Variants in CAMK2A observed in about 807,000 individuals in gnomAD.
CAMK2A encodes the protein calcium/calmodulin dependent protein kinase II alpha, also known as calcium/calmodulin-dependent protein kinase type II subunit alpha.
A neutral mutation model predicts 79.2 loss-of-function variants in CAMK2A; 7 were observed. That is an observed-to-expected ratio of 0.09 (90% confidence interval 0.05 to 0.17). CAMK2A has a LOEUF of 0.17. Ranked by LOEUF, CAMK2A falls within the 10% of genes least tolerant of loss-of-function variation. CAMK2A has a pLI of 1.00. For missense variants in CAMK2A, 214 were observed against 646.4 expected (o/e 0.33, Z 7.25); for synonymous variants, 242 against 251.7 (o/e 0.96, Z 0.36).
intron 11 of CAMK2A, among the ~76,000 whole-genome samples, chr5:150,248,455 A>G (rs1370939225): frequency 2.0e-5 from 3 of 150,492 alleles, no homozygotes; most frequent in East Asian, 3.9e-4. Context: ...CATTTACATT[A>G]GGTATATCTC....
chr5:150,242,744 C>T (rs1408982385), intron 13 of CAMK2A, among the ~76,000 whole-genome samples: 5 of 152,184 alleles, frequency 3.3e-5, no homozygotes, highest in African/African-American at 7.2e-5. Flanking sequence ...CAGTTTCAAT[C>T]GTACTGAAAA....
intron 1 of CAMK2A, among the ~76,000 whole-genome samples, chr5:150,281,444 C>T (rs1319242887): frequency 2.0e-5 from 3 of 152,216 alleles, no homozygotes; most frequent in East Asian, 1.9e-4. Context: ...GGCAGCACCA[C>T]GCACTGGGCT....
chr5:150,263,773 G>A (rs3776821), intron 3 of CAMK2A, among the ~76,000 whole-genome samples: 21,479 of 152,190 alleles, frequency 0.14, 1,675 homozygotes, highest in East Asian at 0.26. Context: ...TCACACAGCT[G>A]GGGGGTTGGG....
In CAMK2A at chr5:150,231,325, A is replaced by G; in HGVS notation, c.1122T>C (p.Asn374=). ...VTEQLIEAIS[N]GDFESYTKMC... ...CTCACGTGTAGGACTCAAAATCTCC[A>G]TTGCTTATGGCTTCAATCAGCTGCT... The change falls in exon 16 of 19, where the codon AAT becomes AAC. Residue 374 remains asparagine, a synonymous_variant. Coordinates refer to ENST00000671881, the MANE Select transcript of CAMK2A (RefSeq NM_015981.4). 1 of 1,590,324 alleles carries G rather than the reference A, an allele frequency of 6.3e-7. No homozygotes were observed. Among genetic ancestry groups the G allele is most frequent in the East Asian group, 2.3e-5 (1 of 43,692 alleles).
At chr5:150,230,844 C>T (rs372747456) in intron 16 of CAMK2A, among the ~76,000 whole-genome samples, 6 of 152,228 alleles carry the variant, frequency 3.9e-5, no homozygotes, top group African/African-American at 9.6e-5. Context: ...ACTGAAGGGA[C>T]GTGCCCTGTG....
intron 13 of CAMK2A, among the ~76,000 whole-genome samples, chr5:150,242,149 G>A (rs377725814): frequency 1.3e-4 from 20 of 152,206 alleles, no homozygotes; most frequent in African/African-American, 4.6e-4. Context: ...TGGGGTGGCC[G>A]GGAGGGGGAC....
intron 15 of CAMK2A, among the ~76,000 whole-genome samples, chr5:150,233,584 GTGAA>G (rs574028537): frequency 6.6e-6 from 1 of 152,142 alleles, no homozygotes; most frequent in East Asian, 1.9e-4. Context: ...TACGTGTTGA[GTGAA>G]TGAATGAATG....
chr5:150,233,347 A>G (rs1281694506), intron 15 of CAMK2A, among the ~76,000 whole-genome samples: 2 of 152,114 alleles, frequency 1.3e-5, no homozygotes, highest in Non-Finnish European at 2.9e-5. Flanking sequence ...CTCCCACACT[A>G]CACCCAGCAC....
In CAMK2A at chr5:150,250,698, G is replaced by A. The variant is rs1331653509; in HGVS notation, c.806C>T (p.Pro269Leu). ...RITAAEALKHPWISHRSTVAS... is the reference protein window; with the variant it reads ...RITAAEALKHLWISHRSTVAS... Reference sequence around the variant, plus strand: ...CTGAGGAAGGCTCACCGAGATCCAGGGGTGCTTAAGGGCTTCGGCAGCTGT... The same window carrying A: ...CTGAGGAAGGCTCACCGAGATCCAGAGGTGCTTAAGGGCTTCGGCAGCTGT... The change falls in exon 10 of 19, where the codon CCC becomes CTC. Residue 269 changes from proline (P) to leucine (L), a missense_variant. Physicochemically the swap from Pro to Leu is moderately conservative, Grantham distance 98. Coordinates refer to ENST00000671881, the MANE Select transcript of CAMK2A (RefSeq NM_015981.4). 1 of 1,614,142 alleles carries A rather than the reference G, an allele frequency of 6.2e-7. No individual in the cohort carries two copies. Among genetic ancestry groups the A allele is most frequent in the Non-Finnish European group, 8.5e-7 (1 of 1,180,002 alleles).
At chr5:150,224,623 T>G (rs566864743) in intron 17 of CAMK2A, among the ~76,000 whole-genome samples, 2 of 152,232 alleles carry the variant, frequency 1.3e-5, no homozygotes, top group African/African-American at 4.8e-5. Context: ...ATTTGGGCTC[T>G]CAGACATACA....
In CAMK2A at chr5:150,219,870, T is replaced by TTA. The variant is rs1554118919; in HGVS notation, c.*2839_*2840insTA. ...TTGGGTTTGGATTTTTATTTATTTA[T>TTA]TTATTATTATTATTATTATTATTTT... On this transcript the variant is annotated 3_prime_UTR_variant, in exon 19 of 19. Transcript: ENST00000671881. 2.9e-5 allele frequency: 4 copies of TTA among 138,802 alleles called. No homozygotes were observed. Among genetic ancestry groups the TTA allele is most frequent in the African/African-American group, 5.1e-5 (2 of 39,384 alleles). The allele number at this position is 138,802 out of a possible 1,614,324, so 8.6% of individuals were successfully genotyped here.
At chr5:150,278,575 A>G (rs963352692) in intron 1 of CAMK2A, among the ~76,000 whole-genome samples, 5 of 150,080 alleles carry the variant, frequency 3.3e-5, no homozygotes, top group Non-Finnish European at 7.4e-5. Context: ...CAAGTTGGGG[A>G]GGGCAAGGGT....
At chr5:150,239,031 G>T (rs911794522) in intron 14 of CAMK2A, among the ~76,000 whole-genome samples, 11 of 152,226 alleles carry the variant, frequency 7.2e-5, no homozygotes, top group Non-Finnish European at 1.6e-4. Flanking sequence ...GCTCGAGGGG[G>T]TGAAGAAGGG....
intron 1 of CAMK2A, among the ~76,000 whole-genome samples, chr5:150,286,707 G>A (rs992267322): frequency 2.0e-5 from 3 of 152,178 alleles, no homozygotes; most frequent in African/African-American, 7.2e-5. Context: ...GGGCCCTGCA[G>A]GTACCCTCAT....
At chr5:150,266,788 T>G (rs1756531202) in intron 2 of CAMK2A, among the ~76,000 whole-genome samples, 1 of 152,054 alleles carries the variant, frequency 6.6e-6, no homozygotes, top group African/African-American at 2.4e-5. Context: ...AGAAGGAAAC[T>G]CATGCCAACA....
chr5:150,288,230 A>ACACC (rs1757512125), intron 1 of CAMK2A, among the ~76,000 whole-genome samples: 1 of 152,062 alleles, frequency 6.6e-6, no homozygotes, highest in Admixed American at 6.5e-5. Context: ...GCATCCTCAC[A>ACACC]CACCCCTAGA....
Position 150,250,678 on chromosome 5 carries a change from G to A in CAMK2A, c.816+10C>T. 1 of 1,613,932 alleles carries A rather than the reference G, an allele frequency of 6.2e-7. No homozygotes were observed. Among genetic ancestry groups the A allele is most frequent in the Non-Finnish European group, 8.5e-7 (1 of 1,179,884 alleles). On this transcript the variant is annotated intron_variant, in intron 10 of 18. Transcript: ENST00000671881. Reference sequence around the variant, plus strand: ...GGCTCCTGGGAGAAGTCCTGCTGAGGAAGGCTCACCGAGATCCAGGGGTGC... The same window carrying A: ...GGCTCCTGGGAGAAGTCCTGCTGAGAAAGGCTCACCGAGATCCAGGGGTGC...
intron 14 of CAMK2A, 104 bp from the exon 15 acceptor site, chr5:150,238,852 C>G: frequency 2.2e-6 from 2 of 921,290 alleles, no homozygotes; most frequent in Non-Finnish European, 3.2e-6. Flanking sequence ...GTGAGCCTCA[C>G]AGGCTCTGCC....
chr5:150,228,374 C>A, intron 16 of CAMK2A, 88 bp from the exon 17 acceptor site: 1 of 846,834 alleles, frequency 1.2e-6, no homozygotes. Flanking sequence ...GGAATGATTG[C>A]ACCTACCTCA....
Sources: gnomAD v4.1 joint callset for allele counts (sites outside exome capture counted in the v4.1 genomes callset) on GRCh38, gnomAD v4.1.1 for gene constraint, MANE v1.5 for transcripts, NCBI Gene and HGNC (gene_info 2026-07-23, HGNC 2026-07-21) for gene names.